Variants in DIAPH3 observed in about 807,000 individuals in gnomAD.
DIAPH3 encodes the protein diaphanous related formin 3.
DIAPH3 carries 117 observed loss-of-function variants against 144.3 expected under a neutral mutation model. That is an observed-to-expected ratio of 0.81 (90% CI 0.70 to 0.95). DIAPH3 has a LOEUF of 0.95. Among genes scored for constraint, DIAPH3 ranks in the 40% least tolerant of loss-of-function variants. The pLI is 0.00. For synonymous variants in DIAPH3, 519 were observed against 488.9 expected, an observed-to-expected ratio of 1.06 and a Z score of -0.81; for missense variants, 1,421 against 1,412.7, an observed-to-expected ratio of 1.01 and a Z score of -0.09.
At chr13:60,147,325 T>C (rs1356632192) in intron 1 of DIAPH3, 2 of 152,112 alleles carry the variant, frequency 1.3e-5, no homozygotes, top group African/African-American at 4.8e-5. Context: ...GTATAGGAGA[T>C]TGGGACAAAA....
At position 59,956,379 on chromosome 13, in the gene DIAPH3, A is replaced by G. The variant is rs547619577; in HGVS notation, c.2074+13565T>C. 5.9e-5 allele frequency among the ~76,000 whole-genome samples: 9 copies of G among 152,278 alleles called. No homozygotes were observed. In the South Asian group the frequency reaches 1.9e-3, roughly 32 times the overall value. ...GTGCCCTGTGTCCCAGCTGTAGCTA[A>G]AGGGGCAAAGGTACAGCTCAGGCTG... On this transcript the variant is annotated intron_variant, in intron 17 of 27. Coordinates refer to ENST00000400324, the MANE Select transcript of DIAPH3 (RefSeq NM_001042517.2).
intron 4 of DIAPH3, among the ~76,000 whole-genome samples, chr13:60,048,107 C>G (rs750735125): frequency 3.3e-5 from 5 of 152,206 alleles, no homozygotes; most frequent in Non-Finnish European, 7.3e-5. Context: ...GAACACAAAG[C>G]TTGGGGGATT....
chr13:60,070,396 T>G (rs2057156845), intron 4 of DIAPH3, among the ~76,000 whole-genome samples: 1 of 152,096 alleles, frequency 6.6e-6, no homozygotes, highest in Non-Finnish European at 1.5e-5. Context: ...AGATCTATTA[T>G]TTGTCTTTTG....
intron 27 of DIAPH3, among the ~76,000 whole-genome samples, chr13:59,702,996 G>A (rs956851955): frequency 2.0e-5 from 3 of 152,010 alleles, no homozygotes; most frequent in South Asian, 2.1e-4. Flanking sequence ...CCTCATGCTC[G>A]CCACTACCAA....
At chr13:59,695,455 G>C (rs2033749786) in intron 27 of DIAPH3, 1 of 152,104 alleles carries the variant, frequency 6.6e-6, no homozygotes, top group African/African-American at 2.4e-5. Flanking sequence ...CCTTCAAACA[G>C]AAATAAAAGG....
At chr13:59,912,205 C>G (rs2047029434) in intron 19 of DIAPH3, among the ~76,000 whole-genome samples, 1 of 152,006 alleles carries the variant, frequency 6.6e-6, no homozygotes, top group African/African-American at 2.4e-5. Flanking sequence ...TCAGGCAAAG[C>G]CAAACATATT....
intron 21 of DIAPH3, among the ~76,000 whole-genome samples, chr13:59,869,639 A>G (rs1232162033): frequency 6.6e-6 from 1 of 152,188 alleles, no homozygotes; most frequent in Non-Finnish European, 1.5e-5. Context: ...TTGCATGAAA[A>G]TGTTAACTTC....
intron 12 of DIAPH3, among the ~76,000 whole-genome samples, chr13:59,990,510 G>C (rs1343386287): frequency 2.0e-5 from 3 of 151,890 alleles, no homozygotes; most frequent in African/African-American, 7.2e-5. Context: ...AGTAGATATA[G>C]AGAACATTTA....
chr13:59,677,407 C>T (rs2032702839), intron 27 of DIAPH3, among the ~76,000 whole-genome samples: 1 of 151,062 alleles, frequency 6.6e-6, no homozygotes, highest in Admixed American at 6.6e-5. Flanking sequence ...TTCTAGAAGC[C>T]ACATTAAACA....
At chr13:59,924,703 T>C (rs1350237308) in intron 18 of DIAPH3, 72 bp downstream of exon 18, 1 of 1,546,132 alleles carries the variant, frequency 6.5e-7, no homozygotes, top group African/African-American at 1.4e-5. Flanking sequence ...GAATAATCGG[T>C]CTTAAAGAAA....
At chr13:59,732,768 C>A (rs2035952572) in intron 27 of DIAPH3, among the ~76,000 whole-genome samples, 1 of 151,976 alleles carries the variant, frequency 6.6e-6, no homozygotes, top group Admixed American at 6.6e-5. Flanking sequence ...ATATATATAT[C>A]TGATGAAAGG....
At chr13:59,764,722 G>A (rs2037782806) in intron 27 of DIAPH3, among the ~76,000 whole-genome samples, 1 of 151,552 alleles carries the variant, frequency 6.6e-6, no homozygotes, top group African/African-American at 2.4e-5. Flanking sequence ...TACAAACCAA[G>A]GAACACCAAG....
At chr13:60,046,707 G>A (rs1385715776) in intron 4 of DIAPH3, among the ~76,000 whole-genome samples, 1 of 152,090 alleles carries the variant, frequency 6.6e-6, no homozygotes, top group Non-Finnish European at 1.5e-5. Context: ...CAATAGCAAA[G>A]ACTTGGAACC....
At chr13:59,896,794 C>G (rs538260949) in intron 20 of DIAPH3, among the ~76,000 whole-genome samples, 1 of 152,270 alleles carries the variant, frequency 6.6e-6, no homozygotes, top group Non-Finnish European at 1.5e-5. Flanking sequence ...GAAGCTTATT[C>G]TAATTACTTT....
intron 22 of DIAPH3, among the ~76,000 whole-genome samples, chr13:59,853,133 G>C (rs544986982): frequency 6.6e-6 from 1 of 152,100 alleles, no homozygotes; most frequent in African/African-American, 2.4e-5. Flanking sequence ...TAACAAGCTG[G>C]GGTTTCAACT....
intron 25 of DIAPH3, among the ~76,000 whole-genome samples, chr13:59,807,854 T>C (rs1378128904): frequency 6.6e-6 from 1 of 152,064 alleles, no homozygotes; most frequent in Non-Finnish European, 1.5e-5. Context: ...TCAAGCTTTT[T>C]TTAAAATTAA....
chr13:59,970,731 A>T (rs2050317588), intron 16 of DIAPH3, 121 bp downstream of exon 16: 1 of 876,294 alleles, frequency 1.1e-6, no homozygotes, highest in East Asian at 2.8e-5. Flanking sequence ...ATTAGAAATT[A>T]TGTATATATA....
At chr13:59,827,422 T>G (rs950247452) in intron 24 of DIAPH3, among the ~76,000 whole-genome samples, 1 of 152,036 alleles carries the variant, frequency 6.6e-6, no homozygotes, top group African/African-American at 2.4e-5. Flanking sequence ...AAAAATTATT[T>G]TGAAATAGAT....
rs766502252 is a variant in DIAPH3, at chr13:59,983,810, G to C, written c.1439C>G (p.Thr480Arg). Reference protein sequence around the residue: ...LHRDGMDPDFTYRKRLDLDLT... With the variant: ...LHRDGMDPDFRYRKRLDLDLT... ...ATCTAAATCTAGTCTTTTTCGATATGTGAAGTCTGGATCCATTCCATCTCT... is the reference window on the plus strand; with the variant it reads ...ATCTAAATCTAGTCTTTTTCGATATCTGAAGTCTGGATCCATTCCATCTCT... The change falls in exon 13 of 28, where the codon ACA becomes AGA. Residue 480 changes from threonine (T) to arginine (R), a missense_variant. Thr to Arg is a moderately conservative substitution (Grantham distance 71). Transcript: ENST00000400324. The C allele has an allele frequency of 1.7e-5, 27 of 1,609,356 alleles. No homozygotes were observed. Among genetic ancestry groups the C allele is most frequent in the Middle Eastern group, 1.7e-4 (1 of 6,000 alleles).
Sources: gnomAD v4.1 joint callset for allele counts (sites outside exome capture counted in the v4.1 genomes callset) on GRCh38, gnomAD v4.1.1 for gene constraint, MANE v1.5 for transcripts, NCBI Gene and HGNC (gene_info 2026-07-23, HGNC 2026-07-21) for gene names.